Variants in AFG2A observed in about 807,000 individuals in gnomAD.
AFG2A encodes the protein AAA ATPase AFG2A, also known as ATPase family gene 2 protein homolog A.
At chr4:123,177,840 G>A in the AFG2A span, among the ~76,000 whole-genome samples, 1 of 152,256 alleles carries the variant, frequency 6.6e-6, no homozygotes, top group South Asian at 2.1e-4. Flanking sequence ...CCGCATAGGG[G>A]ACTATGAAGA....
At chr4:122,965,002 C>T in the AFG2A span, among the ~76,000 whole-genome samples, 6 of 151,974 alleles carry the variant, frequency 3.9e-5, no homozygotes, top group Non-Finnish European at 8.8e-5. Flanking sequence ...GAGGAAAGTA[C>T]ATTTTAAAAA....
chr4:123,155,667 G>A, the AFG2A span, among the ~76,000 whole-genome samples: 2 of 152,096 alleles, frequency 1.3e-5, no homozygotes, highest in Non-Finnish European at 2.9e-5. Context: ...GGTATTATAA[G>A]TAATCTAGAA....
chr4:123,133,035 C>T, the AFG2A span, among the ~76,000 whole-genome samples: 2 of 152,302 alleles, frequency 1.3e-5, no homozygotes, highest in South Asian at 4.1e-4. Context: ...CCGCCTAGGC[C>T]TCCCAAAGTG....
the AFG2A span, among the ~76,000 whole-genome samples, chr4:123,255,845 A>G: frequency 6.7e-6 from 1 of 149,938 alleles, no homozygotes; most frequent in Non-Finnish European, 1.5e-5. Flanking sequence ...TACTCTTGAC[A>G]TTGTTTGTAT....
chr4:123,093,008 A>G, the AFG2A span, among the ~76,000 whole-genome samples: 1 of 152,160 alleles, frequency 6.6e-6, no homozygotes, highest in African/African-American at 2.4e-5. Flanking sequence ...TCAGTTGATT[A>G]AGGATCCTGC....
chr4:122,934,288 T>C, the AFG2A span: 1 of 1,614,188 alleles, frequency 6.2e-7, no homozygotes, highest in South Asian at 1.1e-5. Flanking sequence ...GGAGTTATCC[T>C]TACAGCTAAG....
the AFG2A span, among the ~76,000 whole-genome samples, chr4:123,300,807 A>C: frequency 6.7e-6 from 1 of 149,630 alleles, no homozygotes; most frequent in African/African-American, 2.5e-5. Context: ...GTTTCTCTTC[A>C]TGTCGATAAA....
chr4:123,252,143 A>G, the AFG2A span, among the ~76,000 whole-genome samples: 2 of 152,138 alleles, frequency 1.3e-5, no homozygotes, highest in Non-Finnish European at 2.9e-5. Flanking sequence ...AACCTATACA[A>G]ACCTTTTATT....
chr4:123,007,534 ATATATATGTGTATG>A, the AFG2A span, among the ~76,000 whole-genome samples: 1 of 136,398 alleles, frequency 7.3e-6, no homozygotes, highest in South Asian at 2.9e-4. Context: ...ATGCCTATAT[ATATATATGTGTATG>A]TATGTGTGTG....
At chr4:123,002,997 T>C in the AFG2A span, among the ~76,000 whole-genome samples, 1 of 152,128 alleles carries the variant, frequency 6.6e-6, no homozygotes, top group Non-Finnish European at 1.5e-5. Context: ...GGAGGCTTTG[T>C]TCATTTCTTT....
the AFG2A span, among the ~76,000 whole-genome samples, chr4:122,924,934 C>T: frequency 6.6e-6 from 1 of 152,108 alleles, no homozygotes; most frequent in Non-Finnish European, 1.5e-5. Context: ...TACTTATTCT[C>T]CTGTTTTGTA....
the AFG2A span, among the ~76,000 whole-genome samples, chr4:123,161,177 A>T: frequency 6.6e-6 from 1 of 152,160 alleles, no homozygotes; most frequent in Admixed American, 6.6e-5. Context: ...GTGGTCACTG[A>T]ATTTTTTTTG....
the AFG2A span, among the ~76,000 whole-genome samples, chr4:123,299,253 G>A: frequency 2.0e-5 from 3 of 151,912 alleles, no homozygotes; most frequent in Admixed American, 6.6e-5. Flanking sequence ...ATTTCTACTG[G>A]CTCTCACATT....
At chr4:123,110,273 T>C in the AFG2A span, among the ~76,000 whole-genome samples, 1 of 152,170 alleles carries the variant, frequency 6.6e-6, no homozygotes, top group East Asian at 1.9e-4. Context: ...TTGGTGATAG[T>C]TGATTGCCCT....
the AFG2A span, among the ~76,000 whole-genome samples, chr4:123,192,668 A>T: frequency 1.3e-5 from 2 of 152,170 alleles, no homozygotes; most frequent in Admixed American, 1.3e-4. Flanking sequence ...TAGGACCTTT[A>T]CCAGGACTCT....
the AFG2A span, among the ~76,000 whole-genome samples, chr4:123,005,846 CAT>C: frequency 6.6e-6 from 1 of 152,134 alleles, no homozygotes; most frequent in Non-Finnish European, 1.5e-5. Context: ...CTATTGTTGT[CAT>C]ATGTTTACTT....
At chr4:123,132,791 T>G in the AFG2A span, among the ~76,000 whole-genome samples, 1 of 148,228 alleles carries the variant, frequency 6.7e-6, no homozygotes, top group East Asian at 2.0e-4. Context: ...TTTTTTTTTT[T>G]TTTTTTTGAG....
At chr4:123,155,448 A>C in the AFG2A span, among the ~76,000 whole-genome samples, 5 of 151,628 alleles carry the variant, frequency 3.3e-5, no homozygotes, top group Non-Finnish European at 2.9e-5. Flanking sequence ...CTTTTCCTCC[A>C]CATTCCTTCT....
chr4:123,130,555 T>C, the AFG2A span, among the ~76,000 whole-genome samples: 1 of 111,976 alleles, frequency 8.9e-6, no homozygotes, highest in Non-Finnish European at 2.0e-5. Context: ...TTATTTCACA[T>C]GTTTTCGAGA....
Sources: allele counts gnomAD v4.1 joint callset (sites outside exome capture counted in the v4.1 genomes callset), GRCh38; gene constraint gnomAD v4.1.1; transcripts MANE v1.5; gene names NCBI Gene and HGNC (gene_info 2026-07-23, HGNC 2026-07-21).